Variants in ITCH observed in about 807,000 individuals in gnomAD.
The protein encoded by ITCH is itchy E3 ubiquitin protein ligase.
In ITCH, 28 loss-of-function variants were observed where a neutral mutation model predicts 126.8. That is an observed-to-expected ratio of 0.22 (90% confidence interval 0.16 to 0.30). ITCH has a LOEUF of 0.30. Among genes scored for constraint, ITCH ranks in the 10% least tolerant of loss-of-function variants. The pLI is 1.00. For missense variants in ITCH, 631 were observed against 1,032.4 expected, an observed-to-expected ratio of 0.61 and a Z score of 5.33; for synonymous variants, 342 against 340.0, an observed-to-expected ratio of 1.01 and a Z score of -0.06.
chr20:34,431,256 AT>A (rs1982254700), intron 7 of ITCH, among the ~76,000 whole-genome samples: 1 of 152,106 alleles, frequency 6.6e-6, no homozygotes, highest in African/African-American at 2.4e-5. Context: ...TCTACATAAA[AT>A]AAAAAATTAG....
At chr20:34,368,925 GTTCT>G (rs2037518032) in intron 1 of ITCH, among the ~76,000 whole-genome samples, 1 of 152,086 alleles carries the variant, frequency 6.6e-6, no homozygotes, top group African/African-American at 2.4e-5. Flanking sequence ...TTTTCCCTCA[GTTCT>G]TTCTTTTGTC....
At chr20:34,417,622 ACTCCGGACCTCAGTTGATC>A (rs1361154454) in intron 6 of ITCH, among the ~76,000 whole-genome samples, 1 of 144,518 alleles carries the variant, frequency 6.9e-6, no homozygotes, top group East Asian at 2.0e-4. Flanking sequence ...GTGGTGTCGA[ACTCCGGACCTCAGTTGATC>A]CGCCTGCCTA....
intron 7 of ITCH, among the ~76,000 whole-genome samples, chr20:34,426,443 T>C (rs909480960): frequency 6.6e-6 from 1 of 151,984 alleles, no homozygotes; most frequent in Non-Finnish European, 1.5e-5. Context: ...GTTTTTTTTT[T>C]GTTTTGTTTT....
intron 7 of ITCH, among the ~76,000 whole-genome samples, chr20:34,426,598 A>G (rs1314909585): frequency 1.3e-5 from 2 of 151,860 alleles, no homozygotes; most frequent in Non-Finnish European, 2.9e-5. Flanking sequence ...CAAGACAGGC[A>G]TACACCACCA....
Position 34,480,695 on chromosome 20 carries a change from A to G in ITCH, c.1915A>G (p.Ile639Val), listed in dbSNP as rs139633287. 73 of 1,610,816 alleles carry G rather than the reference A, an allele frequency of 4.5e-5. No individual in the cohort carries two copies. The African/African-American group carries it at 4.8e-4, about 11-fold the overall frequency. Residue 639 changes from isoleucine (I) to valine (V), a missense_variant, in exon 19 of 25, where the codon ATT (isoleucine) becomes GTT (valine). By Grantham distance (29) the Ile-to-Val change is conservative. Transcript: ENST00000374864. ...AGTTGGACTCAAGGATTTAGAATCT[A>G]TTGATCCAGAATTTTACAATTCTCT... ...KPVGLKDLES[I>V]DPEFYNSLIW...
intron 17 of ITCH, 117 bp downstream of exon 17, chr20:34,477,977 T>C: frequency 2.3e-6 from 3 of 1,303,358 alleles, no homozygotes; most frequent in Non-Finnish European, 3.2e-6. Flanking sequence ...ATATGTCAAA[T>C]TATTATACCT....
chr20:34,453,428 C>A (rs1011426298), intron 12 of ITCH, among the ~76,000 whole-genome samples: 15 of 151,886 alleles, frequency 9.9e-5, no homozygotes, highest in Non-Finnish European at 2.1e-4. Context: ...ATGGTGAAAC[C>A]CCATCTTTAC....
At chr20:34,417,787 C>A (rs1278465080) in intron 6 of ITCH, among the ~76,000 whole-genome samples, 1 of 143,210 alleles carries the variant, frequency 7.0e-6, no homozygotes, top group Admixed American at 7.4e-5. Context: ...GTGGGCAGTT[C>A]ATATCTGCCA....
intron 2 of ITCH, among the ~76,000 whole-genome samples, chr20:34,376,113 A>C (rs2037834879): frequency 6.6e-6 from 1 of 152,156 alleles, no homozygotes; most frequent in Non-Finnish European, 1.5e-5. Flanking sequence ...CACTGTGGGC[A>C]GAATTTGTCT....
chr20:34,446,666 C>A (rs1380634329), intron 11 of ITCH, among the ~76,000 whole-genome samples: 2 of 151,940 alleles, frequency 1.3e-5, no homozygotes, highest in Non-Finnish European at 2.9e-5. Flanking sequence ...ATCTTCCTTC[C>A]TTTCTAAATT....
chr20:34,424,867 T>C (rs1346903212), intron 7 of ITCH, among the ~76,000 whole-genome samples: 1 of 152,206 alleles, frequency 6.6e-6, no homozygotes, highest in Non-Finnish European at 1.5e-5. Flanking sequence ...TTTACACATA[T>C]GTGAAGGTCA....
In ITCH at chr20:34,438,518, G is replaced by A; in HGVS notation, c.566G>A (p.Gly189Asp). The A allele has an allele frequency of 6.2e-7, 1 of 1,613,962 alleles. No homozygotes were observed. Among genetic ancestry groups the A allele is most frequent in the Middle Eastern group, 1.7e-4 (1 of 6,060 alleles). The change falls in exon 8 of 25, where the codon GGT becomes GAT. Residue 189 changes from glycine to aspartate, a missense_variant. Gly to Asp is a moderately conservative substitution (Grantham distance 94). Coordinates refer to ENST00000374864, the MANE Select transcript of ITCH (RefSeq NM_031483.7). ...GATGACCCTGAAGATGCAGGAGCTG[G>A]TGAAAATAGGAGAGTCAGTGGGAAT... ...GSDDPEDAGAGENRRVSGNNS... is the reference protein window; with the variant it reads ...GSDDPEDAGADENRRVSGNNS...
At chr20:34,497,410 T>C (rs957268109) in intron 23 of ITCH, among the ~76,000 whole-genome samples, 5 of 152,234 alleles carry the variant, frequency 3.3e-5, no homozygotes, top group Admixed American at 1.3e-4. Flanking sequence ...GCCAGTACCA[T>C]GCTGTATTGG....
chr20:34,407,896 G>A (rs1414975434), intron 3 of ITCH, among the ~76,000 whole-genome samples: 2 of 152,194 alleles, frequency 1.3e-5, no homozygotes, highest in Non-Finnish European at 2.9e-5. Context: ...TTTAGGGACA[G>A]AGTTTAGAGC....
At chr20:34,370,520 A>G (rs2037582426) in intron 2 of ITCH, among the ~76,000 whole-genome samples, 1 of 151,926 alleles carries the variant, frequency 6.6e-6, no homozygotes, top group African/African-American at 2.4e-5. Context: ...AAAAATTAGC[A>G]GGGTGTGATG....
intron 20 of ITCH, among the ~76,000 whole-genome samples, chr20:34,486,265 C>T (rs191234552): frequency 6.6e-6 from 1 of 151,984 alleles, no homozygotes; most frequent in East Asian, 1.9e-4. Flanking sequence ...AACGATACTC[C>T]CACTTTGGTC....
At chr20:34,452,104 A>G (rs1257965915) in intron 12 of ITCH, among the ~76,000 whole-genome samples, 1 of 151,720 alleles carries the variant, frequency 6.6e-6, no homozygotes, top group Admixed American at 6.6e-5. Flanking sequence ...TTGCAGAAAA[A>G]CTATGACCTG....
At chr20:34,473,058 T>TG (rs1303468710) in intron 16 of ITCH, among the ~76,000 whole-genome samples, 1 of 152,166 alleles carries the variant, frequency 6.6e-6, no homozygotes, top group African/African-American at 2.4e-5. Context: ...TCTAAAACAG[T>TG]TTTTAAAGCT....
intron 12 of ITCH, among the ~76,000 whole-genome samples, chr20:34,456,643 A>AT (rs1555877994): frequency 8.5e-4 from 122 of 143,614 alleles, no homozygotes; most frequent in East Asian, 5.5e-3. Context: ...CAAAAAAAAA[A>AT]ATATATATAT....
Sources: allele counts gnomAD v4.1 joint callset (sites outside exome capture counted in the v4.1 genomes callset), GRCh38; gene constraint gnomAD v4.1.1; transcripts MANE v1.5; gene names NCBI Gene and HGNC (gene_info 2026-07-23, HGNC 2026-07-21).